The following FOXJ3 variants were observed in gnomAD, a reference collection of about 807,000 sequenced individuals.
FOXJ3 encodes the protein forkhead box J3.
FOXJ3 carries 22 observed loss-of-function variants against 76.1 expected under a neutral mutation model. The observed-to-expected ratio is 0.29, with a 90% CI of 0.21 to 0.41. The LOEUF (loss-of-function observed/expected upper bound fraction) is 0.41. Among genes scored for constraint, FOXJ3 ranks in the 10% least tolerant of loss-of-function variants. The pLI, the probability that FOXJ3 is intolerant of heterozygous loss-of-function variation, is 1.00. For missense variants in FOXJ3, 613 were observed against 762.1 expected (o/e 0.80, Z 2.30); for synonymous variants, 269 against 261.2 (o/e 1.03, Z -0.29).
intron 4 of FOXJ3, among the ~76,000 whole-genome samples, chr1:42,264,098 A>C (rs1375052086): frequency 1.3e-5 from 2 of 152,084 alleles, no homozygotes; most frequent in Non-Finnish European, 2.9e-5. Flanking sequence ...CAACAAATTC[A>C]GCTGAAGTAT....
intron 4 of FOXJ3, among the ~76,000 whole-genome samples, chr1:42,240,345 A>G (rs984071197): frequency 6.6e-6 from 1 of 152,206 alleles, no homozygotes; most frequent in Admixed American, 6.5e-5. Context: ...GCTTTTTTGC[A>G]GATATTGACA....
intron 5 of FOXJ3, among the ~76,000 whole-genome samples, chr1:42,225,875 A>T (rs1647516440): frequency 6.6e-6 from 1 of 152,214 alleles, no homozygotes; most frequent in African/African-American, 2.4e-5. Flanking sequence ...ACTCTCAAAA[A>T]TAGGGAGGGA....
intron 5 of FOXJ3, among the ~76,000 whole-genome samples, chr1:42,218,274 GACA>G (rs1229343714): frequency 1.3e-5 from 2 of 152,140 alleles, no homozygotes; most frequent in East Asian, 3.9e-4. Context: ...ATAACAGCAT[GACA>G]ACAATTTCAG....
chr1:42,316,083 C>T (rs567478403), intron 1 of FOXJ3, among the ~76,000 whole-genome samples: 9 of 152,234 alleles, frequency 5.9e-5, no homozygotes, highest in African/African-American at 1.4e-4. Flanking sequence ...AAGCAGCCAT[C>T]GCAACACACT....
chr1:42,311,134 T>A (rs1298612949), intron 1 of FOXJ3, 24 bp from the exon 2 acceptor site: 18 of 1,473,524 alleles, frequency 1.2e-5, no homozygotes, highest in Non-Finnish European at 1.7e-5. Context: ...AAGAGTTAGT[T>A]ATCAGATACT....
intron 4 of FOXJ3, among the ~76,000 whole-genome samples, chr1:42,238,216 G>A (rs1648852824): frequency 6.6e-6 from 1 of 151,824 alleles, no homozygotes. Flanking sequence ...TATATTTTTA[G>A]TAGAGATGGG....
At chr1:42,294,783 C>T (rs924297650) in intron 2 of FOXJ3, among the ~76,000 whole-genome samples, 2 of 97,742 alleles carry the variant, frequency 2.0e-5, no homozygotes, top group South Asian at 3.3e-4. Flanking sequence ...AAAAAAGACG[C>T]CATGAACTTG....
At chr1:42,272,686 CT>C (rs762221372) in intron 3 of FOXJ3, among the ~76,000 whole-genome samples, 7 of 152,152 alleles carry the variant, frequency 4.6e-5, no homozygotes, top group Non-Finnish European at 8.8e-5. Flanking sequence ...ATGACTTGGG[CT>C]GGCTATCGGC....
intron 1 of FOXJ3, among the ~76,000 whole-genome samples, chr1:42,312,631 A>T (rs886877089): frequency 1.3e-5 from 2 of 152,272 alleles, no homozygotes; most frequent in African/African-American, 4.8e-5. Flanking sequence ...ATGAGGTATG[A>T]TCAGAATCCA....
At chr1:42,251,085 G>C (rs906689087) in intron 4 of FOXJ3, among the ~76,000 whole-genome samples, 1 of 152,034 alleles carries the variant, frequency 6.6e-6, no homozygotes, top group African/African-American at 2.4e-5. Context: ...ATTGATCCTA[G>C]ATGAGCAGGC....
At chr1:42,310,450 CTT>C (rs774256648) in intron 2 of FOXJ3, among the ~76,000 whole-genome samples, 24 of 130,048 alleles carry the variant, frequency 1.8e-4, no homozygotes, top group Non-Finnish European at 1.2e-4. Flanking sequence ...GGGCTTTTTT[CTT>C]TTTTTTTTTT....
At chr1:42,226,868 T>G (rs343370) in intron 5 of FOXJ3, among the ~76,000 whole-genome samples, 107,088 of 152,048 alleles carry the variant, frequency 0.7, 38,366 homozygotes, top group Admixed American at 0.8. Flanking sequence ...TCTTTGAGGC[T>G]CAAAAGTTTT....
At chr1:42,202,408 C>T (rs1257497211) in intron 6 of FOXJ3, among the ~76,000 whole-genome samples, 3 of 127,260 alleles carry the variant, frequency 2.4e-5, no homozygotes, top group African/African-American at 1.1e-4. Context: ...GGGTTGTTTA[C>T]TGTAAAAAAA....
intron 12 of FOXJ3, 36 bp from the exon 13 acceptor site, chr1:42,179,861 G>C (rs2124087646): frequency 1.5e-6 from 2 of 1,375,654 alleles, no homozygotes; most frequent in East Asian, 4.6e-5. Context: ...AGCGACTTGG[G>C]TAGAGAAGAA....
chr1:42,217,091 G>A (rs1211381677), intron 5 of FOXJ3, among the ~76,000 whole-genome samples: 1 of 152,158 alleles, frequency 6.6e-6, no homozygotes, highest in Non-Finnish European at 1.5e-5. Context: ...GTCTCTATTT[G>A]CAGATGACAC....
chr1:42,199,065 G>T, intron 7 of FOXJ3, 37 bp downstream of exon 7: 2 of 1,549,858 alleles, frequency 1.3e-6, no homozygotes, highest in Non-Finnish European at 1.8e-6. Flanking sequence ...AGTACTAAAT[G>T]AATAACTATT....
intron 4 of FOXJ3, among the ~76,000 whole-genome samples, chr1:42,257,350 T>C (rs1650673664): frequency 6.6e-6 from 1 of 152,112 alleles, no homozygotes; most frequent in South Asian, 2.1e-4. Context: ...CACTGTTAAG[T>C]AGAAGAGAGC....
rs1646247903 is a variant in FOXJ3, at chr1:42,178,083, T to G, written c.*1627A>C. On this transcript the variant is annotated 3_prime_UTR_variant, in exon 13 of 13. Transcript: ENST00000361346. ...ACTAAGATAATCAGTCCATGCAAAC[T>G]GTGATATGATATGAAACAAAACAAA... 1 of 152,316 alleles carries G rather than the reference T, an allele frequency of 6.6e-6. No individual in the cohort carries two copies. Among genetic ancestry groups the G allele is most frequent in the Non-Finnish European group, 1.5e-5 (1 of 68,000 alleles). 9.4% of individuals were successfully genotyped at this position (152,316 alleles called of 1,614,324 possible).
At chr1:42,193,082 A>G (rs2124213275) in intron 8 of FOXJ3, among the ~76,000 whole-genome samples, 1 of 152,278 alleles carries the variant, frequency 6.6e-6, no homozygotes, top group African/African-American at 2.4e-5. Context: ...ATCTCAAATT[A>G]TTTTTAAATA....
Sources: gnomAD v4.1 joint callset for allele counts (sites outside exome capture counted in the v4.1 genomes callset) on GRCh38, gnomAD v4.1.1 for gene constraint, MANE v1.5 for transcripts, NCBI Gene and HGNC (gene_info 2026-07-23, HGNC 2026-07-21) for gene names.